Variants in STK35 observed in about 807,000 individuals in gnomAD.
STK35 encodes the protein serine/threonine kinase 35, also known as serine/threonine-protein kinase 35.
Under a neutral mutation model 37.3 loss-of-function variants are expected in STK35, and 17 were observed. That is an observed-to-expected ratio of 0.46 (90% CI 0.31 to 0.68). The LOEUF (loss-of-function observed/expected upper bound fraction) is 0.68, where lower values mean the gene tolerates loss of function less well. STK35 is among the 30% of genes least tolerant of loss of function. The probability of loss-of-function intolerance (pLI) is 0.05; values close to 1 mark genes in which losing one functional copy is unlikely to be tolerated. For synonymous variants in STK35, 385 were observed against 319.1 expected, an observed-to-expected ratio of 1.21 and a Z score of -2.20; for missense variants, 595 against 746.7, an observed-to-expected ratio of 0.80 and a Z score of 2.37.
chr20:2,132,153 A>G (rs913488451), intron 3 of STK35, among the ~76,000 whole-genome samples: 1 of 152,180 alleles, frequency 6.6e-6, no homozygotes, highest in African/African-American at 2.4e-5. Flanking sequence ...CAAAGGCCAG[A>G]GCTCCAGTGC....
chr20:2,102,435 CAAAG>C (rs1357336171), intron 1 of STK35, among the ~76,000 whole-genome samples: 1 of 152,190 alleles, frequency 6.6e-6, no homozygotes, highest in Non-Finnish European at 1.5e-5. Flanking sequence ...GGGGGCCAAG[CAAAG>C]AAAAATATTT....
chr20:2,134,764 G>A (rs533782931), intron 3 of STK35, among the ~76,000 whole-genome samples: 95 of 152,106 alleles, frequency 6.2e-4, no homozygotes, highest in African/African-American at 2.1e-3. Context: ...CATGGCACAC[G>A]CCTGTAATCC....
Position 2,143,968 on chromosome 20 carries a change from T to C in STK35, c.*222T>C. On this transcript the variant is annotated 3_prime_UTR_variant, in exon 4 of 4. Transcript: ENST00000381482. ...TTTTCCTTTTCTTTTCTTTTTTTTT[T>C]TTCCTCTTTCCTTTTTTTAAATTTA... 2.4e-6 allele frequency: 1 copy of C among 412,806 alleles called. No homozygotes were observed. The highest frequency in any genetic ancestry group is 4.7e-6 in the Non-Finnish European group (1 of 214,888). The allele number at this position is 412,806 out of a possible 1,614,324, so 25.6% of individuals were successfully genotyped here.
chr20:2,102,866 C>A lies in STK35; in HGVS notation c.393C>A (p.Pro131=), dbSNP rs752522035. ...RAAPLLLPPP[P]AAMETGKDGA... ...CGCCGTTGCTGCTCCCCCCGCCGCC[C>A]GCAGCCATGGAAACGGGGAAGGACG... The change falls in exon 2 of 4, where the codon CCC becomes CCA. Residue 131 remains proline, a synonymous_variant. Coordinates refer to ENST00000381482, the MANE Select transcript of STK35 (RefSeq NM_080836.4). 1.3e-6 allele frequency: 2 copies of A among 1,559,942 alleles called. No individual in the cohort carries two copies. Among genetic ancestry groups the A allele is most frequent in the Admixed American group, 3.6e-5 (2 of 55,168 alleles).
chr20:2,134,783 C>G (rs1264455180), intron 3 of STK35, among the ~76,000 whole-genome samples: 1 of 151,746 alleles, frequency 6.6e-6, no homozygotes, highest in Admixed American at 6.6e-5. Flanking sequence ...CCCAGCTACT[C>G]GGGAGGCTGA....
rs544696303 is a variant in STK35, at chr20:2,109,575, G to A, written c.892+6210G>A. 2.6e-5 allele frequency among the ~76,000 whole-genome samples: 4 copies of A among 152,330 alleles called. No individual in the cohort carries two copies. In the East Asian group the frequency reaches 7.7e-4, roughly 29 times the overall value. ...AGCACAACACTAGAGAAAGGTCAGG[G>A]CCTAGGTTTACATCCAGATGCTCTT... On this transcript the variant is annotated intron_variant, in intron 2 of 3. Coordinates refer to ENST00000381482, the MANE Select transcript of STK35 (RefSeq NM_080836.4).
At chr20:2,119,174 C>G (rs1985773278) in intron 3 of STK35, among the ~76,000 whole-genome samples, 1 of 152,200 alleles carries the variant, frequency 6.6e-6, no homozygotes, top group South Asian at 2.1e-4. Flanking sequence ...GTCACTAGGT[C>G]TAATTCTTCA....
intron 3 of STK35, among the ~76,000 whole-genome samples, chr20:2,120,814 T>C (rs1985804168): frequency 6.6e-6 from 1 of 151,956 alleles, no homozygotes; most frequent in African/African-American, 2.4e-5. Flanking sequence ...CCATAGGTAA[T>C]GTACAAGAAA....
At chr20:2,122,829 G>T (rs755003486) in intron 3 of STK35, among the ~76,000 whole-genome samples, 34 of 152,194 alleles carry the variant, frequency 2.2e-4, no homozygotes, top group Non-Finnish European at 1.8e-4. Flanking sequence ...CACTTTTGTG[G>T]ATTGCCAAAT....
At position 2,148,143 on chromosome 20, in the gene STK35, A is replaced by C. The variant is rs1986305414; in HGVS notation, c.*4397A>C. The C allele has an allele frequency of 6.6e-6, 1 of 152,204 alleles. No homozygotes were observed. The highest frequency in any genetic ancestry group is 2.4e-5 in the African/African-American group (1 of 41,362). 9.4% of individuals were successfully genotyped at this position (152,204 alleles called of 1,614,324 possible). On this transcript the variant is annotated 3_prime_UTR_variant, in exon 4 of 4. Transcript: ENST00000381482. ...CTGGTTTTCTAGGAGAGCCCACAGG[A>C]GGAAGGGAGCCTCTTCAGGGGCACT... is the stretch of plus-strand genomic sequence containing the variant.
intron 3 of STK35, among the ~76,000 whole-genome samples, chr20:2,140,565 A>G (rs6137100): frequency 0.33 from 50,345 of 151,900 alleles, 9,873 homozygotes; most frequent in East Asian, 0.92. Context: ...CTGTGATGGC[A>G]GATGGGAAAA....
At chr20:2,136,473 G>C (rs1986088791) in intron 3 of STK35, among the ~76,000 whole-genome samples, 1 of 152,238 alleles carries the variant, frequency 6.6e-6, no homozygotes, top group African/African-American at 2.4e-5. Flanking sequence ...CTGGAGTTTG[G>C]AGAAGTGGCC....
At chr20:2,139,326 G>A (rs1302871439) in intron 3 of STK35, among the ~76,000 whole-genome samples, 2 of 152,204 alleles carry the variant, frequency 1.3e-5, no homozygotes, top group Non-Finnish European at 2.9e-5. Context: ...CTGGAAGACC[G>A]TTCACTGCCT....
intron 3 of STK35, among the ~76,000 whole-genome samples, chr20:2,121,936 A>C (rs1985825636): frequency 6.6e-6 from 1 of 152,224 alleles, no homozygotes; most frequent in Non-Finnish European, 1.5e-5. Flanking sequence ...ATAGACCAGT[A>C]GTTGTCAAAG....
intron 2 of STK35, among the ~76,000 whole-genome samples, chr20:2,105,290 G>T (rs1985493278): frequency 6.6e-6 from 1 of 152,116 alleles, no homozygotes; most frequent in African/African-American, 2.4e-5. Flanking sequence ...GAATGGTCTG[G>T]ACTTCCTACT....
At chr20:2,132,219 C>T (rs1378679648) in intron 3 of STK35, among the ~76,000 whole-genome samples, 4 of 152,216 alleles carry the variant, frequency 2.6e-5, no homozygotes, top group Non-Finnish European at 4.4e-5. Context: ...CCATATGCAC[C>T]GCACTGTCTC....
intron 3 of STK35, among the ~76,000 whole-genome samples, chr20:2,134,671 A>C (rs1472124332): frequency 6.6e-6 from 1 of 152,108 alleles, no homozygotes; most frequent in Non-Finnish European, 1.5e-5. Context: ...CTGGCAAATC[A>C]CCTGAGGTAA....
intron 2 of STK35, among the ~76,000 whole-genome samples, chr20:2,104,266 G>T (rs1442722310): frequency 1.3e-5 from 2 of 152,274 alleles, no homozygotes; most frequent in African/African-American, 2.4e-5. Context: ...AGAGGCGGTA[G>T]AAAGTTTGAG....
chr20:2,119,843 T>C (rs1309793842), intron 3 of STK35, among the ~76,000 whole-genome samples: 1 of 152,242 alleles, frequency 6.6e-6, no homozygotes, highest in Non-Finnish European at 1.5e-5. Context: ...CTCTGGTTTC[T>C]AGGTGGGGTT....
Sources: gnomAD v4.1 joint callset for allele counts (sites outside exome capture counted in the v4.1 genomes callset) on GRCh38, gnomAD v4.1.1 for gene constraint, MANE v1.5 for transcripts, NCBI Gene and HGNC (gene_info 2026-07-23, HGNC 2026-07-21) for gene names.